The following CAMK1D variants were observed in gnomAD, a reference collection of about 807,000 sequenced individuals.
The protein encoded by CAMK1D is calcium/calmodulin dependent protein kinase ID.
Under a neutral mutation model 47.7 loss-of-function variants are expected in CAMK1D, and 9 were observed. That is an observed-to-expected ratio of 0.19 (90% CI 0.11 to 0.33). The LOEUF (loss-of-function observed/expected upper bound fraction) is 0.33. Among genes scored for constraint, CAMK1D ranks in the 10% least tolerant of loss-of-function variants. The pLI, the probability that CAMK1D is intolerant of heterozygous loss-of-function variation, is 1.00. For synonymous variants in CAMK1D, 184 were observed against 184.9 expected, an observed-to-expected ratio of 0.99 and a Z score of 0.04; for missense variants, 291 against 488.7, an observed-to-expected ratio of 0.60 and a Z score of 3.81.
intron 1 of CAMK1D, among the ~76,000 whole-genome samples, chr10:12,417,486 A>G (rs1839892636): frequency 6.6e-6 from 1 of 152,212 alleles, no homozygotes; most frequent in Admixed American, 6.5e-5. Flanking sequence ...TTTAGGTGGC[A>G]TCCAGCCAGG....
Position 12,786,031 on chromosome 10 carries a change from G to A in CAMK1D, c.566-5127G>A, listed in dbSNP as rs1451231373. On this transcript the variant is annotated intron_variant, in intron 5 of 10. Coordinates refer to ENST00000619168, the MANE Select transcript of CAMK1D (RefSeq NM_153498.4). ...TGCCTGAGAATGTTATATTTTCCAC[G>A]AATTTCCGTGAGATGAAAAATAGCT... Among the ~76,000 whole-genome samples, 8 of 152,202 alleles carry A rather than the reference G, an allele frequency of 5.3e-5. No homozygotes were observed. In the South Asian group the frequency reaches 6.2e-4, roughly 12 times the overall value.
chr10:12,564,119 G>T (rs1436272363), intron 2 of CAMK1D, among the ~76,000 whole-genome samples: 1 of 127,232 alleles, frequency 7.9e-6, no homozygotes, highest in South Asian at 2.6e-4. Flanking sequence ...CTGTCTAGAT[G>T]TCTCTCTCTC....
intron 2 of CAMK1D, among the ~76,000 whole-genome samples, chr10:12,557,094 C>G (rs989157968): frequency 6.6e-6 from 1 of 152,124 alleles, no homozygotes; most frequent in Admixed American, 6.5e-5. Flanking sequence ...TCACTGAGAA[C>G]AGAAATACCA....
intron 1 of CAMK1D, among the ~76,000 whole-genome samples, chr10:12,515,429 T>TA (rs1835173349): frequency 5.7e-5 from 8 of 140,460 alleles, no homozygotes; most frequent in African/African-American, 2.1e-4. Context: ...TTTTTTTTTT[T>TA]CATTATACTT....
chr10:12,732,581 C>T (rs950857620), intron 3 of CAMK1D, among the ~76,000 whole-genome samples: 4 of 151,948 alleles, frequency 2.6e-5, no homozygotes, highest in Admixed American at 6.6e-5. Context: ...AAGTGGAAAC[C>T]CCTGGTAAAC....
At chr10:12,737,716 C>T (rs1024295478) in intron 3 of CAMK1D, among the ~76,000 whole-genome samples, 2 of 152,106 alleles carry the variant, frequency 1.3e-5, no homozygotes, top group Admixed American at 6.6e-5. Flanking sequence ...TGTGATATGA[C>T]CAAATCCTAG....
chr10:12,408,936 C>G (rs1839553498), intron 1 of CAMK1D, among the ~76,000 whole-genome samples: 1 of 150,822 alleles, frequency 6.6e-6, no homozygotes, highest in African/African-American at 2.4e-5. Context: ...TCACTGCAAC[C>G]TCCACCTCCC....
intron 1 of CAMK1D, among the ~76,000 whole-genome samples, chr10:12,452,553 T>G (rs1287231030): frequency 1.3e-5 from 2 of 152,060 alleles, no homozygotes; most frequent in Non-Finnish European, 2.9e-5. Context: ...TCAATACACA[T>G]TATAGTAATA....
intron 1 of CAMK1D, among the ~76,000 whole-genome samples, chr10:12,495,563 A>T (rs1834513724): frequency 6.6e-6 from 1 of 152,242 alleles, no homozygotes; most frequent in South Asian, 2.1e-4. Context: ...TCTCTAAGAA[A>T]TGCAGAATCC....
intron 1 of CAMK1D, among the ~76,000 whole-genome samples, chr10:12,482,574 AG>A (rs1834096146): frequency 6.6e-6 from 1 of 152,212 alleles, no homozygotes; most frequent in Admixed American, 6.5e-5. Flanking sequence ...AAAATGAAAA[AG>A]GATGAGGCCT....
At chr10:12,408,075 C>T (rs373015663) in intron 1 of CAMK1D, among the ~76,000 whole-genome samples, 5 of 152,270 alleles carry the variant, frequency 3.3e-5, no homozygotes, top group East Asian at 1.9e-4. Context: ...CCAGGCTGGT[C>T]TCAAACTCCT....
At position 12,769,656 on chromosome 10, in the gene CAMK1D, T is replaced by C. The variant is rs1836946187; in HGVS notation, c.439-17T>C. On this transcript the variant is annotated splice_polypyrimidine_tract_variant and intron_variant, in intron 4 of 10. Transcript: ENST00000619168. ...TTACACGTAGTTTGTAATGTTTTTT[T>C]CTTATTTTCTTTCTAGCCCGAAAAT... 2 of 1,613,010 alleles carry C rather than the reference T, an allele frequency of 1.2e-6. No homozygotes were observed. Among genetic ancestry groups the C allele is most frequent in the Admixed American group, 1.7e-5 (1 of 59,870 alleles).
chr10:12,706,741 CAAA>C (rs764894832), intron 3 of CAMK1D, among the ~76,000 whole-genome samples: 10 of 113,726 alleles, frequency 8.8e-5, no homozygotes, highest in African/African-American at 9.8e-5. Flanking sequence ...ACCCTGTCTC[CAAA>C]AAAAAAAAAA....
chr10:12,829,034 A>G lies in CAMK1D; in HGVS notation c.*147A>G, dbSNP rs1319627509. 3.4e-6 allele frequency: 2 copies of G among 584,088 alleles called. No homozygotes were observed. The highest frequency in any genetic ancestry group is 3.8e-5 in the African/African-American group (2 of 52,702). The allele number at this position is 584,088 out of a possible 1,614,324, so 36.2% of individuals were successfully genotyped here. On this transcript the variant is annotated 3_prime_UTR_variant, in exon 11 of 11. Coordinates refer to ENST00000619168, the MANE Select transcript of CAMK1D (RefSeq NM_153498.4). The stretch of plus-strand genomic sequence containing the variant: ...AAGACCGAAGTTTTTTTATGGCCAT[A>G]TTTTCTACTGCAATTCTGAAGTGTT...
At chr10:12,724,887 A>C (rs28495865) in intron 3 of CAMK1D, among the ~76,000 whole-genome samples, 3 of 132,044 alleles carry the variant, frequency 2.3e-5, no homozygotes, top group African/African-American at 9.0e-5. Context: ...CTCTTAAAAA[A>C]CCAAAAAAAA....
At chr10:12,769,096 C>T (rs12258016) in intron 4 of CAMK1D, among the ~76,000 whole-genome samples, 2 of 152,186 alleles carry the variant, frequency 1.3e-5, no homozygotes, top group African/African-American at 2.4e-5. Flanking sequence ...GGGTACATGG[C>T]TGGAAGTGCT....
At chr10:12,720,406 G>T (rs910849303) in intron 3 of CAMK1D, among the ~76,000 whole-genome samples, 5 of 152,204 alleles carry the variant, frequency 3.3e-5, no homozygotes, top group Non-Finnish European at 7.3e-5. Context: ...TAAAGACACA[G>T]TTCCCTTGAA....
chr10:12,616,393 A>G lies in CAMK1D; in HGVS notation c.225-50343A>G, dbSNP rs138434343. 2.8e-3 allele frequency among the ~76,000 whole-genome samples: 420 copies of G among 152,354 alleles called. 2 individuals are homozygous for G. Among genetic ancestry groups the G allele is most frequent in the African/African-American group, 8.9e-3 (368 of 41,572 alleles). On this transcript the variant is annotated intron_variant, in intron 2 of 10. Coordinates refer to ENST00000619168, the MANE Select transcript of CAMK1D (RefSeq NM_153498.4). ...AGACAGACTGTTCTAAACCCTTTAC[A>G]TGAACTAGCGCATTAAATCCTCGAA...
chr10:12,434,506 T>G (rs1378476264), intron 1 of CAMK1D, among the ~76,000 whole-genome samples: 1 of 152,198 alleles, frequency 6.6e-6, no homozygotes, highest in Non-Finnish European at 1.5e-5. Flanking sequence ...TCCAGGCTCA[T>G]AGAGCCCAGC....
Sources: allele counts gnomAD v4.1 joint callset (sites outside exome capture counted in the v4.1 genomes callset), GRCh38; gene constraint gnomAD v4.1.1; transcripts MANE v1.5; gene names NCBI Gene and HGNC (gene_info 2026-07-23, HGNC 2026-07-21).